The following MGMT variants were observed in gnomAD, a reference collection of about 807,000 sequenced individuals.
The protein encoded by MGMT is methylated-DNA--protein-cysteine methyltransferase.
Under a neutral mutation model 15.9 loss-of-function variants are expected in MGMT, and 14 were observed. That is an observed-to-expected ratio of 0.88 (90% CI 0.58 to 1.37). The LOEUF is 1.37. Ranked by LOEUF, MGMT falls within the 40% of genes most tolerant of loss-of-function variation. The pLI is 0.00. For missense variants in MGMT, 282 were observed against 268.1 expected (o/e 1.05, Z -0.36); for synonymous variants, 130 against 118.2 (o/e 1.10, Z -0.65).
chr10:129,709,230 C>T (rs1243552572), intron 3 of MGMT, among the ~76,000 whole-genome samples: 1 of 152,160 alleles, frequency 6.6e-6, no homozygotes, highest in Non-Finnish European at 1.5e-5. Context: ...CATCTCTGCC[C>T]ACCAATGGGC....
chr10:129,585,737 G>C (rs1393854523), intron 2 of MGMT, among the ~76,000 whole-genome samples: 1 of 152,132 alleles, frequency 6.6e-6, no homozygotes, highest in Non-Finnish European at 1.5e-5. Context: ...GAGTCCGTGA[G>C]TCCGTGGCTG....
intron 2 of MGMT, among the ~76,000 whole-genome samples, chr10:129,655,747 C>G (rs1847518449): frequency 6.6e-6 from 1 of 152,156 alleles, no homozygotes; most frequent in South Asian, 2.1e-4. Context: ...GTTACGTGAG[C>G]AGGAGGGAAT....
chr10:129,664,714 G>A (rs943871193), intron 2 of MGMT, among the ~76,000 whole-genome samples: 2 of 152,168 alleles, frequency 1.3e-5, no homozygotes, highest in Admixed American at 6.5e-5. Context: ...TGATAAGCAG[G>A]ATGAGAAGGA....
chr10:129,736,361 TTA>T (rs1420861114), intron 3 of MGMT, among the ~76,000 whole-genome samples: 1 of 151,786 alleles, frequency 6.6e-6, no homozygotes, highest in East Asian at 1.9e-4. Context: ...AAAGTGTGTT[TTA>T]TCAGAGACTA....
intron 3 of MGMT, among the ~76,000 whole-genome samples, chr10:129,731,901 A>C (rs1039614190): frequency 5.1e-4 from 78 of 152,226 alleles, no homozygotes; most frequent in African/African-American, 1.8e-3. Context: ...TCTGCGTTTA[A>C]TCCGTTGTGT....
At chr10:129,699,489 G>A (rs552115350) in intron 2 of MGMT, among the ~76,000 whole-genome samples, 65 of 152,030 alleles carry the variant, frequency 4.3e-4, no homozygotes, top group Middle Eastern at 6.8e-3. Context: ...AGATACCTAC[G>A]ACCACCCAGA....
chr10:129,706,546 C>T (rs1040643959), intron 2 of MGMT, among the ~76,000 whole-genome samples: 2 of 151,954 alleles, frequency 1.3e-5, no homozygotes, highest in Non-Finnish European at 2.9e-5. Context: ...GCACTGTCTG[C>T]AGAAGGAAAC....
chr10:129,580,651 A>G (rs1351634424), intron 2 of MGMT, among the ~76,000 whole-genome samples: 1 of 152,148 alleles, frequency 6.6e-6, no homozygotes, highest in Non-Finnish European at 1.5e-5. Flanking sequence ...ACCACTAGCT[A>G]CAAAAGGATG....
intron 1 of MGMT, among the ~76,000 whole-genome samples, chr10:129,502,115 G>A (rs369044300): frequency 3.5e-4 from 53 of 152,332 alleles, no homozygotes; most frequent in African/African-American, 1.2e-3. Flanking sequence ...ACTGCAGAGC[G>A]TCCCAGCCAT....
At chr10:129,733,451 G>A (rs1848525136) in intron 3 of MGMT, among the ~76,000 whole-genome samples, 1 of 149,884 alleles carries the variant, frequency 6.7e-6, no homozygotes, top group African/African-American at 2.4e-5. Flanking sequence ...TGTAGATTCT[G>A]GATATTAGCC....
chr10:129,707,503 T>C (rs1433536035), intron 2 of MGMT, among the ~76,000 whole-genome samples: 1 of 152,160 alleles, frequency 6.6e-6, no homozygotes, highest in Non-Finnish European at 1.5e-5. Flanking sequence ...CCTTGCGTTG[T>C]TGGACTCGGG....
At chr10:129,545,136 G>A (rs1043447089) in intron 2 of MGMT, among the ~76,000 whole-genome samples, 2 of 152,186 alleles carry the variant, frequency 1.3e-5, no homozygotes, top group Admixed American at 1.3e-4. Context: ...GGTGAGGGAT[G>A]GTGGGTTACA....
chr10:129,522,220 G>A (rs1845819218), intron 1 of MGMT, among the ~76,000 whole-genome samples: 1 of 152,208 alleles, frequency 6.6e-6, no homozygotes, highest in Admixed American at 6.5e-5. Context: ...GTGCATCTTA[G>A]CATTTGTAGA....
chr10:129,745,218 T>C (rs1005645542), intron 3 of MGMT, among the ~76,000 whole-genome samples: 7 of 152,218 alleles, frequency 4.6e-5, no homozygotes, highest in African/African-American at 1.7e-4. Flanking sequence ...GAAATGTGTT[T>C]TCCCTCATCT....
intron 2 of MGMT, among the ~76,000 whole-genome samples, chr10:129,619,048 T>A (rs1847060890): frequency 6.6e-6 from 1 of 152,200 alleles, no homozygotes; most frequent in Admixed American, 6.5e-5. Flanking sequence ...GAAGTAAACA[T>A]CCTCTGTTCC....
At chr10:129,646,798 C>G (rs1847400523) in intron 2 of MGMT, among the ~76,000 whole-genome samples, 1 of 138,798 alleles carries the variant, frequency 7.2e-6, no homozygotes, top group South Asian at 2.2e-4. Flanking sequence ...AGATGCTTGT[C>G]AGGCGTCTTG....
chr10:129,591,717 G>A (rs888789202), intron 2 of MGMT, among the ~76,000 whole-genome samples: 1 of 152,198 alleles, frequency 6.6e-6, no homozygotes, highest in Non-Finnish European at 1.5e-5. Context: ...GGATCACAAG[G>A]TCAGGAGTTC....
At chr10:129,469,094 C>T (rs141300387) in intron 1 of MGMT, among the ~76,000 whole-genome samples, 2 of 152,052 alleles carry the variant, frequency 1.3e-5, no homozygotes, top group Admixed American at 1.3e-4. Context: ...GTTTGGGTTT[C>T]CTCCCCAGGT....
At chr10:129,757,249 A>T (rs563547272) in intron 3 of MGMT, among the ~76,000 whole-genome samples, 50 of 152,364 alleles carry the variant, frequency 3.3e-4, no homozygotes, top group African/African-American at 1.1e-3. Flanking sequence ...TTGTTTTATT[A>T]TACGATACTT....
Sources: gnomAD v4.1 joint callset for allele counts (sites outside exome capture counted in the v4.1 genomes callset) on GRCh38, gnomAD v4.1.1 for gene constraint, MANE v1.5 for transcripts, NCBI Gene and HGNC (gene_info 2026-07-23, HGNC 2026-07-21) for gene names.